The following UGGT2 variants were observed in gnomAD, a reference collection of about 807,000 sequenced individuals.
UGGT2 encodes UDP-glucose glycoprotein glucosyltransferase 2.
A neutral mutation model predicts 192.1 loss-of-function variants in UGGT2; 180 were observed. That is an observed-to-expected ratio of 0.94 (90% CI 0.83 to 1.06). The LOEUF is 1.06. Ranked by LOEUF, UGGT2 falls within the 50% of genes least tolerant of loss-of-function variation. The pLI is 0.00. For missense variants in UGGT2, 1,849 were observed against 1,795.7 expected (o/e 1.03, Z -0.54); for synonymous variants, 580 against 591.0 (o/e 0.98, Z 0.27).
intron 6 of UGGT2, among the ~76,000 whole-genome samples, chr13:95,996,494 TA>T (rs747293305): frequency 5.6e-3 from 752 of 133,508 alleles, no homozygotes; most frequent in Middle Eastern, 0.011. Context: ...AGACCGTGTC[TA>T]AAAAAAAAAA....
intron 38 of UGGT2, among the ~76,000 whole-genome samples, chr13:95,806,473 G>A (rs1003623356): frequency 8.5e-5 from 13 of 152,056 alleles, no homozygotes; most frequent in Non-Finnish European, 1.0e-4. Flanking sequence ...AACATCAGAC[G>A]GCAGTACTAC....
At chr13:96,020,534 T>G (rs1416765384) in intron 4 of UGGT2, among the ~76,000 whole-genome samples, 1 of 152,150 alleles carries the variant, frequency 6.6e-6, no homozygotes, top group African/African-American at 2.4e-5. Context: ...CAATACCAGT[T>G]ATATAATCAG....
chr13:95,928,691 G>C (rs1399939445), intron 17 of UGGT2, among the ~76,000 whole-genome samples: 1 of 152,054 alleles, frequency 6.6e-6, no homozygotes, highest in Non-Finnish European at 1.5e-5. Flanking sequence ...GCCGGGAAGA[G>C]GTGTTCCTCA....
At chr13:95,924,313 T>C (rs900845951) in intron 20 of UGGT2, among the ~76,000 whole-genome samples, 4 of 145,732 alleles carry the variant, frequency 2.7e-5, no homozygotes, top group African/African-American at 7.5e-5. Context: ...TCTGAAAGAA[T>C]ATACACACCC....
rs779158868 is a variant in UGGT2 at position 95,900,788 on chromosome 13, A to G, written c.2634+19T>C. 6.2e-7 allele frequency: 1 copy of G among 1,600,054 alleles called. No individual in the cohort carries two copies. The highest frequency in any genetic ancestry group is 1.1e-5 in the South Asian group (1 of 88,766). ...TGCAGTGTCACTGAGAAAAGAGAGCAATAGCTTTTTCTACTTACTCTCCCA... is the reference window on the plus strand; with the variant it reads ...TGCAGTGTCACTGAGAAAAGAGAGCGATAGCTTTTTCTACTTACTCTCCCA... On this transcript the variant is annotated intron_variant, in intron 22 of 38. Transcript: ENST00000376747.
intron 2 of UGGT2, 114 bp from the exon 3 acceptor site, chr13:96,023,873 A>T: frequency 1.2e-6 from 1 of 835,164 alleles, no homozygotes; most frequent in African/African-American, 1.7e-5. Flanking sequence ...AAGTTTGGTT[A>T]TGGATAATGC....
At chr13:95,888,103 G>A (rs551875111) in intron 25 of UGGT2, 132 bp from the exon 26 acceptor site, 1 of 543,230 alleles carries the variant, frequency 1.8e-6, no homozygotes, top group African/African-American at 1.9e-5. Context: ...ACAACGCCCT[G>A]CTGAAATAGT....
intron 13 of UGGT2, among the ~76,000 whole-genome samples, chr13:95,948,504 C>CA (rs1414289499): frequency 6.6e-6 from 1 of 151,888 alleles, no homozygotes; most frequent in African/African-American, 2.4e-5. Flanking sequence ...AAGACTGCTG[C>CA]AAAAAATATC....
intron 38 of UGGT2, among the ~76,000 whole-genome samples, chr13:95,819,690 A>G (rs1279941443): frequency 6.6e-6 from 1 of 152,240 alleles, no homozygotes; most frequent in East Asian, 1.9e-4. Context: ...TTTGATCTCA[A>G]TACAATAACA....
intron 38 of UGGT2, among the ~76,000 whole-genome samples, chr13:95,803,048 A>G (rs546216227): frequency 5.6e-4 from 85 of 151,662 alleles, no homozygotes; most frequent in Non-Finnish European, 1.2e-3. Context: ...GTTAGCCAGG[A>G]TGGTCTCGAT....
chr13:96,050,404 C>G (rs1367356911), intron 1 of UGGT2, among the ~76,000 whole-genome samples: 1 of 152,194 alleles, frequency 6.6e-6, no homozygotes, highest in Non-Finnish European at 1.5e-5. Flanking sequence ...CAATACCATT[C>G]AGGACATAGG....
At chr13:95,811,859 A>G (rs1306440086) in intron 38 of UGGT2, among the ~76,000 whole-genome samples, 1 of 152,104 alleles carries the variant, frequency 6.6e-6, no homozygotes, top group Non-Finnish European at 1.5e-5. Flanking sequence ...TCATTAAAAA[A>G]TAAAGGGAGT....
intron 2 of UGGT2, among the ~76,000 whole-genome samples, chr13:96,030,790 CTT>C (rs2052810222): frequency 2.0e-5 from 3 of 152,256 alleles, no homozygotes; most frequent in Admixed American, 6.5e-5. Context: ...TTAATAAACA[CTT>C]TTTAATTCTG....
intron 26 of UGGT2, among the ~76,000 whole-genome samples, chr13:95,886,706 TC>T (rs2047656100): frequency 1.3e-5 from 2 of 152,194 alleles, no homozygotes; most frequent in Admixed American, 1.3e-4. Flanking sequence ...TCCCACATTT[TC>T]CATTTTATTG....
intron 5 of UGGT2, among the ~76,000 whole-genome samples, chr13:96,008,134 G>A (rs1231990657): frequency 6.6e-6 from 1 of 152,112 alleles, no homozygotes; most frequent in African/African-American, 2.4e-5. Context: ...GGGCAAAAAT[G>A]TTTTGTGTGA....
intron 22 of UGGT2, among the ~76,000 whole-genome samples, chr13:95,900,466 T>C (rs1436853618): frequency 1.3e-5 from 2 of 152,176 alleles, no homozygotes; most frequent in Non-Finnish European, 2.9e-5. Flanking sequence ...ATAACCTACT[T>C]GCTACACCTA....
At chr13:95,853,497 G>C in intron 36 of UGGT2, 46 bp downstream of exon 36, 1 of 1,511,660 alleles carries the variant, frequency 6.6e-7, no homozygotes, top group African/African-American at 1.4e-5. Context: ...AGTTGGAACA[G>C]TCTATGTACA....
intron 10 of UGGT2, among the ~76,000 whole-genome samples, chr13:95,982,212 C>A (rs1402702578): frequency 1.3e-5 from 2 of 152,116 alleles, no homozygotes; most frequent in Admixed American, 6.5e-5. Context: ...GATAGTGAGT[C>A]CTCGGTAAGG....
At chr13:95,972,729 G>C in intron 10 of UGGT2, 58 bp from the exon 11 acceptor site, 1 of 1,248,864 alleles carries the variant, frequency 8.0e-7, no homozygotes, top group South Asian at 1.3e-5. Flanking sequence ...ACCTATATTA[G>C]GGGTCACCAT....
Sources: gnomAD v4.1 joint callset for allele counts (sites outside exome capture counted in the v4.1 genomes callset) on GRCh38, gnomAD v4.1.1 for gene constraint, MANE v1.5 for transcripts, NCBI Gene and HGNC (gene_info 2026-07-23, HGNC 2026-07-21) for gene names.